Variants in ABCB7 observed in about 807,000 individuals in gnomAD.
ABCB7 encodes ATP binding cassette subfamily B member 7, also known as iron-sulfur clusters transporter ABCB7, mitochondrial.
ABCB7 carries 7 observed loss-of-function variants against 54.4 expected under a neutral mutation model. That is an observed-to-expected ratio of 0.13 (90% CI 0.07 to 0.24). The LOEUF is 0.24. Ranked by LOEUF, ABCB7 falls within the 10% of genes least tolerant of loss-of-function variation. ABCB7 has a pLI of 1.00. For synonymous variants in ABCB7, 218 were observed against 207.1 expected, an observed-to-expected ratio of 1.05 and a Z score of -0.45; for missense variants, 356 against 570.4, an observed-to-expected ratio of 0.62 and a Z score of 3.83.
chrX:75,088,066 T>C (rs2081513758), intron 4 of ABCB7, among the ~76,000 whole-genome samples: 1 of 111,821 alleles, frequency 8.9e-6, no homozygotes, highest in African/African-American at 3.2e-5. Flanking sequence ...ACATGATATG[T>C]GAACCTGATT....
At chrX:75,059,538 G>A (rs1356874386) in intron 15 of ABCB7, among the ~76,000 whole-genome samples, 1 of 110,511 alleles carries the variant, frequency 9.0e-6, no homozygotes, top group East Asian at 2.8e-4. Flanking sequence ...AATAATTACA[G>A]AAAAGGCTGA....
At chrX:75,147,043 C>A (rs1235377695) in intron 1 of ABCB7, among the ~76,000 whole-genome samples, 1 of 109,843 alleles carries the variant, frequency 9.1e-6, no homozygotes, top group Non-Finnish European at 1.9e-5. Context: ...ATACATGCAG[C>A]CAACAAGCAC....
intron 3 of ABCB7, 54 bp from the exon 4 acceptor site, chrX:75,099,115 C>T: frequency 8.8e-7 from 1 of 1,136,200 alleles, no homozygotes; most frequent in East Asian, 3.1e-5. Context: ...CAAACATAAC[C>T]ATAATTCAAT....
chrX:75,092,303 G>T (rs2081550349), intron 4 of ABCB7, among the ~76,000 whole-genome samples: 1 of 110,750 alleles, frequency 9.0e-6, no homozygotes, highest in South Asian at 3.8e-4. Flanking sequence ...TTTCACAAAG[G>T]AGCAAAGGCA....
At chrX:75,125,028 C>A (rs762551683) in intron 1 of ABCB7, among the ~76,000 whole-genome samples, 2 of 111,911 alleles carry the variant, frequency 1.8e-5, no homozygotes, top group South Asian at 7.4e-4. Flanking sequence ...TGGACAATTT[C>A]ATTATGTTTT....
rs540170022 is a variant in ABCB7 at position 75,140,812 on chromosome X, A to G, written c.168+15293T>C. On this transcript the variant is annotated intron_variant, in intron 1 of 15. Coordinates refer to ENST00000373394, the MANE Select transcript of ABCB7 (RefSeq NM_001271696.3). ...TTTAAAGGCAGGATGTGAAAAGGACATGAAAAGACACTCAGAGTCAAAAAT... is the reference window on the plus strand; with the variant it reads ...TTTAAAGGCAGGATGTGAAAAGGACGTGAAAAGACACTCAGAGTCAAAAAT... Among the ~76,000 whole-genome samples the G allele has an allele frequency of 1.3e-4, 15 of 111,399 alleles. No homozygotes were observed. The South Asian group carries it at 4.2e-3, about 31-fold the overall frequency.
At chrX:75,122,861 G>GGGGTGTGTGT (rs1555954494) in intron 1 of ABCB7, among the ~76,000 whole-genome samples, 1 of 93,131 alleles carries the variant, frequency 1.1e-5, no homozygotes, top group African/African-American at 3.9e-5. Flanking sequence ...TTAAAATTGG[G>GGGGTGTGTGT]GTGTGTGTGT....
chrX:75,125,056 C>T (rs1200593734), intron 1 of ABCB7, among the ~76,000 whole-genome samples: 2 of 111,695 alleles, frequency 1.8e-5, no homozygotes, highest in African/African-American at 3.2e-5. Flanking sequence ...TGCTCCTTTA[C>T]GTTTGTTACT....
intron 12 of ABCB7, among the ~76,000 whole-genome samples, chrX:75,066,207 G>A (rs2081316580): frequency 9.0e-6 from 1 of 111,139 alleles, no homozygotes; most frequent in African/African-American, 3.3e-5. Context: ...ATCTCTAAAC[G>A]GTTGGAAGGC....
intron 1 of ABCB7, among the ~76,000 whole-genome samples, chrX:75,146,247 T>G (rs1005086015): frequency 1.8e-5 from 2 of 112,068 alleles, no homozygotes; most frequent in Admixed American, 1.9e-4. Flanking sequence ...CCCAAAGCAA[T>G]TTATAGATTC....
intron 3 of ABCB7, among the ~76,000 whole-genome samples, chrX:75,102,355 C>T (rs1320471179): frequency 9.0e-6 from 1 of 111,175 alleles, no homozygotes; most frequent in Non-Finnish European, 1.9e-5. Context: ...ACACACCCTT[C>T]CCAGGCTCTG....
intron 3 of ABCB7, among the ~76,000 whole-genome samples, chrX:75,099,735 T>G (rs1235538049): frequency 2.7e-5 from 3 of 110,893 alleles, no homozygotes; most frequent in Admixed American, 9.6e-5. Flanking sequence ...AAAACCACAT[T>G]TTCTAATACC....
intron 1 of ABCB7, among the ~76,000 whole-genome samples, chrX:75,118,005 G>A (rs2081839058): frequency 8.9e-6 from 1 of 112,424 alleles, no homozygotes; most frequent in Non-Finnish European, 1.9e-5. Context: ...TGTGAAGCTA[G>A]TCTTAAGCTG....
At chrX:75,126,377 C>T (rs1010060099) in intron 1 of ABCB7, among the ~76,000 whole-genome samples, 3 of 111,541 alleles carry the variant, frequency 2.7e-5, no homozygotes, top group Admixed American at 1.9e-4. Context: ...ACACAACGTA[C>T]CAGAATTGCT....
At chrX:75,083,092 A>T (rs1420655495) in intron 4 of ABCB7, among the ~76,000 whole-genome samples, 1 of 111,940 alleles carries the variant, frequency 8.9e-6, no homozygotes, top group African/African-American at 3.2e-5. Context: ...AAAATTATTG[A>T]CATTGCCCTC....
chrX:75,082,075 A>C (rs2081460237), intron 4 of ABCB7, among the ~76,000 whole-genome samples: 1 of 111,676 alleles, frequency 9.0e-6, no homozygotes, highest in South Asian at 3.8e-4. Context: ...ATTCGGCAAA[A>C]GACATAAACC....
chrX:75,112,936 A>G lies in ABCB7; in HGVS notation c.283T>C (p.Cys95Arg). 8.3e-7 allele frequency: 1 copy of G among 1,210,870 alleles called. No homozygotes were observed. The highest frequency in any genetic ancestry group is 3.0e-5 in the East Asian group (1 of 33,791). ...CCTCCTCCTGCATGACCATGCCAAC[A>G]TGTCCTCTTTTCTATCAGTGGCCAT... ...QVWPLIEKRT[C>R]WHGHAGGGLH... Residue 95 changes from cysteine (C) to arginine (R), a missense_variant, in exon 3 of 16, where the codon TGT (cysteine) becomes CGT (arginine). Cys to Arg is a radical substitution (Grantham distance 180). This residue lies in a region of ABCB7 where 115 missense variants were observed against 99.5 expected (regional missense o/e 1.16). Coordinates refer to ENST00000373394, the MANE Select transcript of ABCB7 (RefSeq NM_001271696.3).
At chrX:75,131,833 AGCTCT>A (rs1199498726) in intron 1 of ABCB7, among the ~76,000 whole-genome samples, 3 of 111,685 alleles carry the variant, frequency 2.7e-5, no homozygotes, top group African/African-American at 9.8e-5. Context: ...CCACCTGAGC[AGCTCT>A]GCATCTCTCT....
intron 12 of ABCB7, among the ~76,000 whole-genome samples, chrX:75,066,490 AAAAT>A (rs2081319286): frequency 9.0e-6 from 1 of 111,332 alleles, no homozygotes; most frequent in Non-Finnish European, 1.9e-5. Context: ...AAACTAATAT[AAAAT>A]AAATACTGAT....
Sources: allele counts gnomAD v4.1 joint callset (sites outside exome capture counted in the v4.1 genomes callset), GRCh38; gene constraint gnomAD v4.1.1; regional missense constraint gnomAD v4.1.1; transcripts MANE v1.5; gene names NCBI Gene and HGNC (gene_info 2026-07-23, HGNC 2026-07-21).